MRPL33: variants seen among roughly 807,000 people sequenced by gnomAD.
The protein encoded by MRPL33 is mitochondrial ribosomal protein L33.
MRPL33 carries 5 observed loss-of-function variants against 10.1 expected under a neutral mutation model. The ratio of observed to expected loss-of-function variants is 0.49; its 90% confidence interval spans 0.26 to 1.04. The LOEUF is 1.04. Among genes scored for constraint, MRPL33 ranks in the 50% least tolerant of loss-of-function variants. MRPL33 has a pLI of 0.14. For missense variants in MRPL33, 79 were observed against 78.1 expected, an observed-to-expected ratio of 1.01 and a Z score of -0.04; for synonymous variants, 24 against 27.7, an observed-to-expected ratio of 0.87 and a Z score of 0.42.
At chr2:27,776,431 C>T (rs149970151) in intron 3 of MRPL33, among the ~76,000 whole-genome samples, 7 of 152,276 alleles carry the variant, frequency 4.6e-5, no homozygotes, top group African/African-American at 1.2e-4. Flanking sequence ...AGTTTGAGGA[C>T]GATGATTGTT....
At position 27,771,791 on chromosome 2, in the gene MRPL33, C is replaced by G. The variant is rs966574897; in HGVS notation, c.14C>G (p.Ala5Gly). The G allele has an allele frequency of 6.2e-7, 1 of 1,613,938 alleles. No individual in the cohort carries two copies. The highest frequency in any genetic ancestry group is 8.5e-7 in the Non-Finnish European group (1 of 1,179,834). Residue 5 changes from alanine to glycine, a missense_variant, in exon 1 of 4, where the codon GCG becomes GGG. Physicochemically the swap from Ala to Gly is moderately conservative, Grantham distance 60 (BLOSUM62 0). Transcript: ENST00000296102. ...GGTGTGGTCACCATGTTCCTCTCCGCGGTCTTCTGTAAGTGGGGCTGGAGA... is the reference window on the plus strand; with the variant it reads ...GGTGTGGTCACCATGTTCCTCTCCGGGGTCTTCTGTAAGTGGGGCTGGAGA... MFLS[A>G]VFFAKSKSKN...
At chr2:27,778,558 C>CTT (rs377722424) in intron 3 of MRPL33, among the ~76,000 whole-genome samples, 1 of 138,978 alleles carries the variant, frequency 7.2e-6, no homozygotes, top group Non-Finnish European at 1.6e-5. Context: ...TCAATCTTTT[C>CTT]TTTTTTTTTT....
At position 27,771,774 on chromosome 2, in the gene MRPL33, C is replaced by A; in HGVS notation, c.-4C>A. 1 of 1,614,124 alleles carries A rather than the reference C, an allele frequency of 6.2e-7. No homozygotes were observed. Among genetic ancestry groups the A allele is most frequent in the Non-Finnish European group, 8.5e-7 (1 of 1,179,974 alleles). The stretch of plus-strand genomic sequence containing the variant: ...GTGACGGAGACTGCCCAGGTGTGGT[C>A]ACCATGTTCCTCTCCGCGGTCTTCT... On this transcript the variant is annotated 5_prime_UTR_variant, in exon 1 of 4. Transcript: ENST00000296102.
At chr2:27,774,356 C>A in intron 2 of MRPL33, 68 bp from the exon 3 acceptor site, 2 of 1,267,420 alleles carry the variant, frequency 1.6e-6, no homozygotes, top group South Asian at 1.2e-5. Flanking sequence ...CAAAATGTGC[C>A]ATCCCCCTGT....
chr2:27,779,601 G>A lies in MRPL33; in HGVS notation c.*119G>A, dbSNP rs775855338. 6.4e-7 allele frequency: 1 copy of A among 1,569,456 alleles called. No individual in the cohort carries two copies. Among genetic ancestry groups the A allele is most frequent in the South Asian group, 1.2e-5 (1 of 83,692 alleles). On this transcript the variant is annotated 3_prime_UTR_variant, in exon 4 of 4. Transcript: ENST00000296102. ...AAATGGCATGGAATCACTGCCTCCT[G>A]TGATTTGAAGGCCATTGTGAAGGAA...
intron 2 of MRPL33, 27 bp from the exon 3 acceptor site, chr2:27,774,397 A>G (rs1205548184): frequency 1.0e-5 from 16 of 1,586,302 alleles, no homozygotes; most frequent in African/African-American, 2.7e-5. Flanking sequence ...GTCAGCTCGT[A>G]CATAACAGCG....
chr2:27,779,343 T>G, intron 3 of MRPL33, 90 bp from the exon 4 acceptor site: 1 of 1,383,568 alleles, frequency 7.2e-7, no homozygotes, highest in Non-Finnish European at 9.7e-7. Flanking sequence ...AAGAGAAAGG[T>G]GAGGGCTTAT....
chr2:27,779,247 C>T (rs1240539918), intron 3 of MRPL33, among the ~76,000 whole-genome samples, 186 bp from the exon 4 acceptor site: 1 of 152,174 alleles, frequency 6.6e-6, no homozygotes, highest in Non-Finnish European at 1.5e-5. Context: ...GCCCTATAGC[C>T]ATTTTCTCCA....
chr2:27,777,142 A>C (rs1415027466), intron 3 of MRPL33, among the ~76,000 whole-genome samples: 1 of 152,164 alleles, frequency 6.6e-6, no homozygotes, highest in African/African-American at 2.4e-5. Context: ...GGCTGCCCAG[A>C]GTGTTGGGAT....
chr2:27,772,818 G>T, intron 2 of MRPL33, 126 bp downstream of exon 2: 1 of 710,218 alleles, frequency 1.4e-6, no homozygotes, highest in Non-Finnish European at 2.3e-6. Context: ...GTTGGTTTGT[G>T]GATTACTTAG....
intron 1 of MRPL33, chr2:27,772,010 G>T: frequency 3.6e-6 from 2 of 557,118 alleles, no homozygotes; most frequent in Non-Finnish European, 6.3e-6. Context: ...GGGGTCTGCG[G>T]TGTCTGGATT....
At chr2:27,775,682 A>G (rs1313135270) in intron 3 of MRPL33, among the ~76,000 whole-genome samples, 1 of 152,186 alleles carries the variant, frequency 6.6e-6, no homozygotes, top group Non-Finnish European at 1.5e-5. Context: ...TGGCTATAAT[A>G]ACATGAGCAG....
intron 1 of MRPL33, chr2:27,772,104 C>T: frequency 2.5e-6 from 1 of 407,880 alleles, no homozygotes; most frequent in Non-Finnish European, 4.4e-6. Context: ...GTCCGAAGGA[C>T]CTCAGAATTT....
At chr2:27,775,743 T>C (rs1191004800) in intron 3 of MRPL33, among the ~76,000 whole-genome samples, 5 of 152,224 alleles carry the variant, frequency 3.3e-5, no homozygotes, top group African/African-American at 1.2e-4. Context: ...AAGTTTCTTG[T>C]GTTCCATCCT....
intron 3 of MRPL33, 37 bp downstream of exon 3, chr2:27,774,567 T>C (rs1396881098): frequency 2.0e-6 from 3 of 1,537,692 alleles, no homozygotes; most frequent in Non-Finnish European, 2.7e-6. Flanking sequence ...CAAGGCCTGT[T>C]GCCCCCTTTG....
intron 2 of MRPL33, 152 bp from the exon 3 acceptor site, chr2:27,774,272 A>T (rs1052741032): frequency 8.6e-5 from 55 of 638,248 alleles, no homozygotes; most frequent in Non-Finnish European, 1.3e-4. Context: ...TTCATGGAAA[A>T]CTTAGGCTGT....
chr2:27,773,482 A>C (rs1471244823), intron 2 of MRPL33, among the ~76,000 whole-genome samples: 1 of 152,170 alleles, frequency 6.6e-6, no homozygotes, highest in Non-Finnish European at 1.5e-5. Flanking sequence ...GTTTCTGTAG[A>C]GGTATATTCT....
chr2:27,775,350 A>ATT (rs67199907), intron 3 of MRPL33, among the ~76,000 whole-genome samples: 13,410 of 122,970 alleles, frequency 0.11, 1,150 homozygotes, highest in Non-Finnish European at 0.15. Flanking sequence ...TTTATAATTA[A>ATT]TTTTTTTTTT....
In MRPL33 at chr2:27,779,504, T is replaced by C. The variant is rs1008918653; in HGVS notation, c.*22T>C. 3 of 1,613,424 alleles carry C rather than the reference T, an allele frequency of 1.9e-6. 1 individual carries two copies. ...TTAAACGGTGGATTGAAAATGACTT[T>C]GATTTATAAAGAGAAGACTGAGGGC... On this transcript the variant is annotated 3_prime_UTR_variant, in exon 4 of 4. Coordinates refer to ENST00000296102, the MANE Select transcript of MRPL33 (RefSeq NM_004891.4).
Sources: gnomAD v4.1 joint callset for allele counts (sites outside exome capture counted in the v4.1 genomes callset) on GRCh38, gnomAD v4.1.1 for gene constraint, MANE v1.5 for transcripts, NCBI Gene and HGNC (gene_info 2026-07-23, HGNC 2026-07-21) for gene names.